The following NALF1 variants were observed in gnomAD, a reference collection of about 807,000 sequenced individuals.
NALF1 encodes the protein family with sequence similarity 155 member A.
Under a neutral mutation model 48.4 loss-of-function variants are expected in NALF1, and 3 were observed. The ratio of observed to expected loss-of-function variants is 0.06; its 90% CI spans 0.03 to 0.16. The LOEUF (loss-of-function observed/expected upper bound fraction) is 0.16, where lower values mean the gene tolerates loss of function less well. Among genes scored for constraint, NALF1 ranks in the 10% least tolerant of loss-of-function variants. The pLI is 1.00. For synonymous variants in NALF1, 262 were observed against 245.7 expected (o/e 1.07, Z -0.62); for missense variants, 526 against 571.5 (o/e 0.92, Z 0.81).
chr13:107,325,702 A>G (rs1295668741), intron 1 of NALF1, among the ~76,000 whole-genome samples: 1 of 151,316 alleles, frequency 6.6e-6, no homozygotes, highest in Non-Finnish European at 1.5e-5. Context: ...TGAGCTCAGC[A>G]TGATGGCATG....
intron 1 of NALF1, among the ~76,000 whole-genome samples, chr13:107,238,823 A>T (rs1035442222): frequency 1.3e-5 from 2 of 152,176 alleles, no homozygotes; most frequent in Non-Finnish European, 2.9e-5. Flanking sequence ...AAGTCATTCC[A>T]AGAAACTTGG....
At chr13:107,839,139 G>A (rs1879980820) in intron 1 of NALF1, among the ~76,000 whole-genome samples, 1 of 151,794 alleles carries the variant, frequency 6.6e-6, no homozygotes, top group Non-Finnish European at 1.5e-5. Context: ...ACAAGACTAG[G>A]GGTAAGGGGC....
intron 1 of NALF1, among the ~76,000 whole-genome samples, chr13:107,857,581 TA>T (rs1440150001): frequency 6.6e-6 from 1 of 152,188 alleles, no homozygotes; most frequent in Admixed American, 6.5e-5. Context: ...ATCTAAAATG[TA>T]GCACATGTTA....
chr13:107,389,193 G>A lies in NALF1; in HGVS notation c.916-178438C>T, dbSNP rs139670292. On this transcript the variant is annotated intron_variant, in intron 1 of 2. Coordinates refer to ENST00000375915, the MANE Select transcript of NALF1 (RefSeq NM_001080396.3). ...TCAGCAGTAGCCAACGGCTCACTTC[G>A]ACACTCCGGGTAGCTGTCAAAACTA... Among the ~76,000 whole-genome samples the A allele has an allele frequency of 5.9e-5, 9 of 152,274 alleles. No individual in the cohort carries two copies. The East Asian group carries it at 1.7e-3, about 29-fold the overall frequency.
chr13:107,247,073 A>G lies in NALF1; in HGVS notation c.916-36318T>C, dbSNP rs1880600685. Reference sequence around the variant, plus strand: ...ACTGAACATTTACTAGCCAGGGAAAAAATTCTTCTCACCCAATTTGTATTT... The same window carrying G: ...ACTGAACATTTACTAGCCAGGGAAAGAATTCTTCTCACCCAATTTGTATTT... On this transcript the variant is annotated intron_variant, in intron 1 of 2. Transcript: ENST00000375915. 3.3e-5 allele frequency among the ~76,000 whole-genome samples: 5 copies of G among 152,312 alleles called. No homozygotes were observed. The South Asian group carries it at 1.0e-3, about 32-fold the overall frequency.
At chr13:107,486,022 A>G (rs1458443787) in intron 1 of NALF1, among the ~76,000 whole-genome samples, 3 of 152,202 alleles carry the variant, frequency 2.0e-5, no homozygotes, top group African/African-American at 7.2e-5. Context: ...ATATTTTTCC[A>G]TACATTTGTG....
chr13:107,374,148 G>A (rs572273763), intron 1 of NALF1, among the ~76,000 whole-genome samples: 4 of 152,072 alleles, frequency 2.6e-5, no homozygotes, highest in African/African-American at 7.2e-5. Flanking sequence ...CATCAGTGTC[G>A]TTTTCTCTGT....
chr13:107,807,178 T>A (rs961788247), intron 1 of NALF1, among the ~76,000 whole-genome samples: 2 of 152,200 alleles, frequency 1.3e-5, no homozygotes, highest in African/African-American at 4.8e-5. Context: ...TATATTGATA[T>A]GAAAATGTGT....
intron 1 of NALF1, among the ~76,000 whole-genome samples, chr13:107,261,203 G>T (rs1431857650): frequency 2.0e-5 from 3 of 152,196 alleles, no homozygotes; most frequent in Non-Finnish European, 4.4e-5. Flanking sequence ...GTTCCCAGGG[G>T]AAGGAGGCAG....
intron 1 of NALF1, among the ~76,000 whole-genome samples, chr13:107,267,628 A>G (rs1396324423): frequency 6.6e-6 from 1 of 152,206 alleles, no homozygotes; most frequent in Non-Finnish European, 1.5e-5. Flanking sequence ...ACTGAATCCT[A>G]TATGTACTGT....
At chr13:107,734,040 GGTAA>G (rs1308685057) in intron 1 of NALF1, among the ~76,000 whole-genome samples, 2 of 152,216 alleles carry the variant, frequency 1.3e-5, no homozygotes, top group Admixed American at 1.3e-4. Flanking sequence ...GCAAAACAGT[GGTAA>G]GTATTTGTGT....
intron 1 of NALF1, among the ~76,000 whole-genome samples, chr13:107,782,102 G>C (rs947262702): frequency 9.2e-5 from 14 of 152,148 alleles, no homozygotes; most frequent in Admixed American, 2.6e-4. Flanking sequence ...CTCTGATGCC[G>C]AGCCGAAGCT....
intron 1 of NALF1, among the ~76,000 whole-genome samples, chr13:107,592,585 G>C (rs1242125197): frequency 6.6e-6 from 1 of 151,816 alleles, no homozygotes; most frequent in African/African-American, 2.4e-5. Flanking sequence ...ATAAAAAATA[G>C]ATAACTTTAT....
chr13:107,580,357 C>G (rs1878270337), intron 1 of NALF1, among the ~76,000 whole-genome samples: 1 of 152,244 alleles, frequency 6.6e-6, no homozygotes, highest in African/African-American at 2.4e-5. Context: ...TACCTATTTC[C>G]CACCCCAGGG....
intron 1 of NALF1, among the ~76,000 whole-genome samples, chr13:107,455,723 G>A (rs1451987863): frequency 1.3e-5 from 2 of 152,132 alleles, no homozygotes; most frequent in Non-Finnish European, 2.9e-5. Context: ...CCTCTGGCAA[G>A]CACTGATCCC....
intron 1 of NALF1, among the ~76,000 whole-genome samples, chr13:107,292,995 T>TTTC (rs796522759): frequency 2.2e-5 from 3 of 137,586 alleles, no homozygotes; most frequent in East Asian, 2.1e-4. Context: ...TCTTTTTCTT[T>TTTC]TTTTTTTTTT....
intron 1 of NALF1, among the ~76,000 whole-genome samples, chr13:107,495,283 A>G (rs574633393): frequency 1.3e-4 from 20 of 152,322 alleles, no homozygotes; most frequent in African/African-American, 4.3e-4. Flanking sequence ...AGCAACAACA[A>G]TGTCAACAAA....
At chr13:107,512,741 G>C (rs184066780) in intron 1 of NALF1, among the ~76,000 whole-genome samples, 1 of 152,072 alleles carries the variant, frequency 6.6e-6, no homozygotes, top group Non-Finnish European at 1.5e-5. Flanking sequence ...TGGTTCATCA[G>C]GTCATTGTCA....
At chr13:107,767,606 G>C (rs942929903) in intron 1 of NALF1, among the ~76,000 whole-genome samples, 1 of 152,184 alleles carries the variant, frequency 6.6e-6, no homozygotes, top group Non-Finnish European at 1.5e-5. Context: ...GGTTCCAAAT[G>C]TATCATGTGC....
Sources: gnomAD v4.1 joint callset for allele counts (sites outside exome capture counted in the v4.1 genomes callset) on GRCh38, gnomAD v4.1.1 for gene constraint, MANE v1.5 for transcripts, NCBI Gene and HGNC (gene_info 2026-07-23, HGNC 2026-07-21) for gene names.